The following MSR1 variants were observed in gnomAD, a reference collection of about 807,000 sequenced individuals.
The protein encoded by MSR1 is macrophage scavenger receptor types I and II.
MSR1 carries 53 observed loss-of-function variants against 47.2 expected under a neutral mutation model. That is an observed-to-expected ratio of 1.12 (90% CI 0.90 to 1.41). The LOEUF is 1.41. MSR1 is among the 40% of genes most tolerant of loss of function. The pLI, the probability that MSR1 is intolerant of heterozygous loss-of-function variation, is 0.00. For missense variants in MSR1, 786 were observed against 546.9 expected (o/e 1.44, Z -4.36); for synonymous variants, 239 against 185.6 (o/e 1.29, Z -2.34).
At chr8:16,189,172 C>T (rs945992483) in intron 1 of MSR1, among the ~76,000 whole-genome samples, 37 of 136,520 alleles carry the variant, frequency 2.7e-4, no homozygotes, top group African/African-American at 3.6e-4. Flanking sequence ...CCTTATTTTA[C>T]ATATATTTCA....
At chr8:16,153,087 C>A (rs1800904693) in intron 6 of MSR1, among the ~76,000 whole-genome samples, 1 of 151,892 alleles carries the variant, frequency 6.6e-6, no homozygotes. Flanking sequence ...CTAGGACAAC[C>A]ACTTAGGTTT....
At chr8:16,132,608 C>T (rs1193055785) in intron 8 of MSR1, among the ~76,000 whole-genome samples, 11 of 152,066 alleles carry the variant, frequency 7.2e-5, no homozygotes, top group Non-Finnish European at 5.9e-5. Flanking sequence ...CTGCCTCAGC[C>T]CCCCAAGTAG....
At chr8:16,163,842 GAT>G (rs1370795013) in intron 5 of MSR1, among the ~76,000 whole-genome samples, 1 of 151,776 alleles carries the variant, frequency 6.6e-6, no homozygotes, top group Non-Finnish European at 1.5e-5. Flanking sequence ...TAGACCTTAA[GAT>G]ATATTTTGCT....
chr8:16,125,536 C>T (rs535372442), intron 8 of MSR1, among the ~76,000 whole-genome samples: 95 of 152,184 alleles, frequency 6.2e-4, no homozygotes, highest in African/African-American at 2.2e-3. Flanking sequence ...ATTCTTATGT[C>T]CCATTTCTTT....
At chr8:16,178,732 G>A (rs1303698151) in intron 1 of MSR1, among the ~76,000 whole-genome samples, 1 of 152,112 alleles carries the variant, frequency 6.6e-6, no homozygotes. Flanking sequence ...CAGTGTAAAA[G>A]TGTTCCTATT....
chr8:16,183,528 A>G (rs1801898872), intron 1 of MSR1, among the ~76,000 whole-genome samples: 1 of 146,298 alleles, frequency 6.8e-6, no homozygotes, highest in Non-Finnish European at 1.5e-5. Flanking sequence ...CATCTATAAC[A>G]TGTAATACAT....
At chr8:16,192,244 T>G (rs936682407) in intron 1 of MSR1, among the ~76,000 whole-genome samples, 2 of 152,156 alleles carry the variant, frequency 1.3e-5, no homozygotes, top group African/African-American at 4.8e-5. Context: ...AGGTGAAATA[T>G]GTCAAATTAT....
rs575002012 is a variant in MSR1, at chr8:16,167,437, T to C, written c.630+1021A>G. 4.6e-5 allele frequency among the ~76,000 whole-genome samples: 7 copies of C among 152,104 alleles called. No individual in the cohort carries two copies. In the South Asian group the frequency reaches 8.3e-4, roughly 18 times the overall value. ...GCACGTACCTTTGATCCCAGCTACA[T>C]GGGAGGCTAAGGCACGAGAATCACT... On this transcript the variant is annotated intron_variant, in intron 4 of 9. Transcript: ENST00000262101.
chr8:16,136,478 T>A lies in MSR1; in HGVS notation c.1033+7080A>T, dbSNP rs181897806. The stretch of plus-strand genomic sequence containing the variant: ...ATGCACTGGGAAACCAAAAAATTTG[T>A]CTGGCATGTTTCATTGTGATAATTG... On this transcript the variant is annotated intron_variant, in intron 8 of 9. Coordinates refer to ENST00000262101, the MANE Select transcript of MSR1 (RefSeq NM_138715.3). Among the ~76,000 whole-genome samples the A allele has an allele frequency of 4.0e-3, 601 of 152,140 alleles. 5 individuals are homozygous for A. The highest frequency in any genetic ancestry group is 0.014 in the African/African-American group (570 of 41,434).
At chr8:16,143,978 G>T (rs561049297) in intron 7 of MSR1, among the ~76,000 whole-genome samples, 1 of 151,892 alleles carries the variant, frequency 6.6e-6, no homozygotes, top group Non-Finnish European at 1.5e-5. Flanking sequence ...CCCACATCCC[G>T]TTCTTATATT....
chr8:16,109,684 A>G lies in MSR1; in HGVS notation c.*401T>C, dbSNP rs1799712166. On this transcript the variant is annotated 3_prime_UTR_variant, in exon 10 of 10. Coordinates refer to ENST00000262101, the MANE Select transcript of MSR1 (RefSeq NM_138715.3). ...TCTTCTGATCCCTTCCGTTATTCAG[A>G]AAGTAATTAAAATCAACTAAATAGA... 5.1e-6 allele frequency: 1 copy of G among 197,450 alleles called. No individual in the cohort carries two copies. Among genetic ancestry groups the G allele is most frequent in the South Asian group, 9.0e-5 (1 of 11,050 alleles). The allele number at this position is 197,450 out of a possible 1,614,324, so 12.2% of individuals were successfully genotyped here.
rs1801239903 is a variant in MSR1, at chr8:16,164,197, T to C, written c.685A>G (p.Met229Val). 1 of 1,612,488 alleles carries C rather than the reference T, an allele frequency of 6.2e-7. No individual in the cohort carries two copies. Among genetic ancestry groups the C allele is most frequent in the Non-Finnish European group, 8.5e-7 (1 of 1,179,098 alleles). ...VYNVSAEIMAMKEEQVHLEQE... is the reference protein window; with the variant it reads ...VYNVSAEIMAVKEEQVHLEQE... ...TCCAAATGCACTTGTTCTTCTTTCATAGCCATAATTTCTGCTGATACATTG... is the reference window on the plus strand; with the variant it reads ...TCCAAATGCACTTGTTCTTCTTTCACAGCCATAATTTCTGCTGATACATTG... The change falls in exon 5 of 10, where the codon ATG (methionine) becomes GTG (valine). Residue 229 changes from methionine (M) to valine (V), a missense_variant. Met to Val is a conservative substitution (Grantham distance 21). Coordinates refer to ENST00000262101, the MANE Select transcript of MSR1 (RefSeq NM_138715.3).
chr8:16,189,852 T>G (rs989924562), intron 1 of MSR1, among the ~76,000 whole-genome samples: 1 of 146,844 alleles, frequency 6.8e-6, no homozygotes, highest in Admixed American at 7.0e-5. Context: ...TCTTTTAAAC[T>G]TTTTTTCCTT....
intron 8 of MSR1, among the ~76,000 whole-genome samples, chr8:16,129,154 T>C (rs922911704): frequency 2.6e-5 from 4 of 152,174 alleles, no homozygotes; most frequent in Admixed American, 1.3e-4. Flanking sequence ...GGTTTACTTG[T>C]TCTTTGAACT....
intron 5 of MSR1, among the ~76,000 whole-genome samples, chr8:16,160,782 T>C (rs1415469399): frequency 6.6e-6 from 1 of 151,998 alleles, no homozygotes; most frequent in African/African-American, 2.4e-5. Flanking sequence ...ACTTTTTCTA[T>C]ATTAACTTTT....
rs1313755276 is a variant in MSR1 at position 16,108,472 on chromosome 8, C to T, written c.*1613G>A. 2.6e-5 allele frequency: 4 copies of T among 152,072 alleles called. No individual in the cohort carries two copies. Among genetic ancestry groups the T allele is most frequent in the East Asian group, 1.9e-4 (1 of 5,196 alleles). 9.4% of individuals were successfully genotyped at this position (152,072 alleles called of 1,614,324 possible). ...ACAACCCAGAGGCACTGATCTCAGA[C>T]ATCCCAAACAGGCTGATAATGCAAA... On this transcript the variant is annotated 3_prime_UTR_variant, in exon 10 of 10. Transcript: ENST00000262101.
chr8:16,148,444 G>A lies in MSR1; in HGVS notation c.979+1787C>T, dbSNP rs918271802. On this transcript the variant is annotated intron_variant, in intron 7 of 9. Transcript: ENST00000262101. Reference sequence around the variant, plus strand: ...AGCCAGCACATTAATGTTTATAGCTGCTTTACGTAGAATTTCTAAAACTTT... The same window carrying A: ...AGCCAGCACATTAATGTTTATAGCTACTTTACGTAGAATTTCTAAAACTTT... 2.0e-5 allele frequency among the ~76,000 whole-genome samples: 3 copies of A among 151,560 alleles called. No individual in the cohort carries two copies. The South Asian group carries it at 6.3e-4, about 32-fold the overall frequency.
chr8:16,114,627 T>C (rs1044398784), intron 9 of MSR1, among the ~76,000 whole-genome samples: 13 of 152,140 alleles, frequency 8.5e-5, no homozygotes, highest in Non-Finnish European at 1.9e-4. Context: ...TGCCCCTCAG[T>C]GCTTCCTTAA....
At position 16,150,241 on chromosome 8, in the gene MSR1, G is replaced by A. The variant is rs1334789677; in HGVS notation, c.969C>T (p.Ala323=). ...FPGSRGLPGY[A]GRPGNSGPKG... is the part of the protein sequence containing the mutation. The stretch of plus-strand genomic sequence containing the variant: ...ACATTATTGTAATACCTGGCCTTCC[G>A]GCATATCCTGGGAGTCCTCGACTTC... The change falls in exon 7 of 10, where the codon GCC becomes GCT. Residue 323 remains alanine (A), a synonymous_variant. Transcript: ENST00000262101. 20 of 1,532,388 alleles carry A rather than the reference G, an allele frequency of 1.3e-5. No homozygotes were observed. The highest frequency in any genetic ancestry group is 5.0e-5 in the South Asian group (4 of 79,612). 94.9% of individuals were successfully genotyped at this position (1,532,388 alleles called of 1,614,324 possible).
Sources: allele counts gnomAD v4.1 joint callset (sites outside exome capture counted in the v4.1 genomes callset), GRCh38; gene constraint gnomAD v4.1.1; transcripts MANE v1.5; gene names NCBI Gene and HGNC (gene_info 2026-07-23, HGNC 2026-07-21).